The following PSD3 variants were observed in gnomAD, a reference collection of about 807,000 sequenced individuals.
The protein encoded by PSD3 is PH and SEC7 domain-containing protein 3.
In PSD3, 49 loss-of-function variants were observed where a neutral mutation model predicts 105.5. That is an observed-to-expected ratio of 0.46 (90% CI 0.37 to 0.59). The LOEUF is 0.59. PSD3 is among the 20% of genes least tolerant of loss of function. PSD3 has a pLI of 0.00. For synonymous variants in PSD3, 557 were observed against 457.8 expected, an observed-to-expected ratio of 1.22 and a Z score of -2.77; for missense variants, 1,561 against 1,263.8, an observed-to-expected ratio of 1.24 and a Z score of -3.57.
chr8:19,062,252 CA>C (rs1828926730), intron 1 of PSD3, among the ~76,000 whole-genome samples: 1 of 152,198 alleles, frequency 6.6e-6, no homozygotes, highest in South Asian at 2.1e-4. Flanking sequence ...GGCGGGGTCT[CA>C]GTTAATTTAT....
At chr8:18,667,680 A>C (rs1251956935) in intron 9 of PSD3, among the ~76,000 whole-genome samples, 1 of 152,132 alleles carries the variant, frequency 6.6e-6, no homozygotes, top group Non-Finnish European at 1.5e-5. Context: ...GTGTGCCTGC[A>C]CTCCTCAGCC....
intron 11 of PSD3, among the ~76,000 whole-genome samples, chr8:18,606,923 T>A (rs1009254977): frequency 5.9e-5 from 9 of 152,322 alleles, no homozygotes; most frequent in African/African-American, 1.9e-4. Flanking sequence ...TATGCCCCCA[T>A]TATTAACTAT....
At chr8:18,595,268 A>G (rs1804004061) in intron 12 of PSD3, among the ~76,000 whole-genome samples, 1 of 121,118 alleles carries the variant, frequency 8.3e-6, no homozygotes, top group Non-Finnish European at 1.8e-5. Flanking sequence ...ATGAGAATAA[A>G]GAAATGTTAT....
chr8:18,991,359 CACACACACACACAT>C (rs149208453), intron 1 of PSD3, among the ~76,000 whole-genome samples: 16,792 of 78,836 alleles, frequency 0.21, 1,095 homozygotes, highest in Non-Finnish European at 0.3. Flanking sequence ...CACATACACA[CACACACACACACAT>C]ACACACACAC....
At chr8:18,675,971 C>T (rs1237608697) in intron 9 of PSD3, among the ~76,000 whole-genome samples, 4 of 152,156 alleles carry the variant, frequency 2.6e-5, no homozygotes, top group African/African-American at 9.7e-5. Flanking sequence ...TGCAGAATAG[C>T]TTGTCACCAT....
intron 1 of PSD3, among the ~76,000 whole-genome samples, chr8:18,980,460 G>A (rs758096533): frequency 6.6e-6 from 1 of 152,064 alleles, no homozygotes; most frequent in African/African-American, 2.4e-5. Flanking sequence ...TGGTTCGTTG[G>A]TTGGTTGGTT....
chr8:18,682,211 GACT>G (rs1366788493), intron 9 of PSD3, among the ~76,000 whole-genome samples: 1 of 152,120 alleles, frequency 6.6e-6, no homozygotes, highest in Non-Finnish European at 1.5e-5. Flanking sequence ...TAGGTAGTAG[GACT>G]ACAACAGAGT....
intron 1 of PSD3, among the ~76,000 whole-genome samples, chr8:19,034,018 TG>T (rs1304471347): frequency 1.3e-5 from 2 of 152,126 alleles, no homozygotes; most frequent in Non-Finnish European, 2.9e-5. Context: ...ATTCTGAATA[TG>T]AAAGGAAATA....
At chr8:18,954,247 T>C (rs1001998200) in intron 1 of PSD3, among the ~76,000 whole-genome samples, 5 of 152,086 alleles carry the variant, frequency 3.3e-5, no homozygotes, top group Admixed American at 2.6e-4. Context: ...CCAAGATACC[T>C]GTGGCACAGT....
chr8:18,840,875 G>A (rs1002904260), intron 4 of PSD3, among the ~76,000 whole-genome samples: 2 of 152,092 alleles, frequency 1.3e-5, no homozygotes, highest in African/African-American at 2.4e-5. Flanking sequence ...CACTATTAAC[G>A]GTGTGACATT....
intron 2 of PSD3, among the ~76,000 whole-genome samples, chr8:18,921,776 C>A (rs969624998): frequency 2.0e-5 from 3 of 152,144 alleles, no homozygotes; most frequent in African/African-American, 7.2e-5. Flanking sequence ...GCCCAGTGTT[C>A]ACGGGCTTCA....
intron 9 of PSD3, among the ~76,000 whole-genome samples, chr8:18,721,988 C>T (rs868079026): frequency 2.0e-5 from 3 of 152,084 alleles, no homozygotes; most frequent in African/African-American, 7.2e-5. Flanking sequence ...ACTAACAACA[C>T]ATTTGAAAGC....
intron 11 of PSD3, among the ~76,000 whole-genome samples, chr8:18,602,028 TA>T (rs1334662668): frequency 6.6e-6 from 1 of 152,176 alleles, no homozygotes; most frequent in Non-Finnish European, 1.5e-5. Context: ...TGCTTCATTT[TA>T]AAATGTGGGT....
rs1415506158 is a variant in PSD3 at position 18,530,587 on chromosome 8, C to T, written c.*5156G>A. On this transcript the variant is annotated 3_prime_UTR_variant, in exon 16 of 16. Transcript: ENST00000327040. ...GACTAATTACAACAACAATAAAGAA[C>T]GTGTGCTTTAAAGCATCACATTTTG... is the stretch of plus-strand genomic sequence containing the variant. The T allele has an allele frequency of 1.3e-5, 2 of 152,456 alleles. No individual in the cohort carries two copies. The highest frequency in any genetic ancestry group is 4.8e-5 in the African/African-American group (2 of 41,410). The allele number at this position is 152,456 out of a possible 1,614,324, so 9.4% of individuals were successfully genotyped here.
At chr8:19,037,581 C>G (rs1400135140) in intron 1 of PSD3, among the ~76,000 whole-genome samples, 1 of 152,214 alleles carries the variant, frequency 6.6e-6, no homozygotes, top group Non-Finnish European at 1.5e-5. Flanking sequence ...AGAAAATCAT[C>G]CTCACCAATA....
At chr8:18,722,620 AATC>A (rs1366298395) in intron 9 of PSD3, among the ~76,000 whole-genome samples, 1 of 152,242 alleles carries the variant, frequency 6.6e-6, no homozygotes, top group Non-Finnish European at 1.5e-5. Context: ...ATCTAAATAT[AATC>A]ATTAGAGAAA....
chr8:18,754,279 G>C (rs1472828407), intron 9 of PSD3, among the ~76,000 whole-genome samples: 1 of 151,730 alleles, frequency 6.6e-6, no homozygotes, highest in Non-Finnish European at 1.5e-5. Flanking sequence ...AACTACTCGG[G>C]AGGCTAAGAC....
rs114847156 is a variant in PSD3 at position 18,860,608 on chromosome 8, G to A, written c.1634+7066C>T. Among the ~76,000 whole-genome samples, 3 of 152,054 alleles carry A rather than the reference G, an allele frequency of 2.0e-5. No homozygotes were observed. The East Asian group carries it at 5.8e-4, about 29-fold the overall frequency. On this transcript the variant is annotated intron_variant, in intron 4 of 15. Coordinates refer to ENST00000327040, the MANE Select transcript of PSD3 (RefSeq NM_015310.4). ...GTAAACAAGACCCTTTTGAGTTCAG[G>A]CAAATTTGTATTCCTGTGTAAAACA...
intron 8 of PSD3, among the ~76,000 whole-genome samples, chr8:18,797,825 A>C (rs771629007): frequency 6.6e-6 from 1 of 152,174 alleles, no homozygotes; most frequent in African/African-American, 2.4e-5. Context: ...ACAGATGCTA[A>C]ACGTACAACT....
Sources: gnomAD v4.1 joint callset for allele counts (sites outside exome capture counted in the v4.1 genomes callset) on GRCh38, gnomAD v4.1.1 for gene constraint, MANE v1.5 for transcripts, NCBI Gene and HGNC (gene_info 2026-07-23, HGNC 2026-07-21) for gene names.